Variants in MAD1L1 observed in about 807,000 individuals in gnomAD.
MAD1L1 encodes the protein mitotic spindle assembly checkpoint protein MAD1.
In MAD1L1, 95 loss-of-function variants were observed where a neutral mutation model predicts 96.9. The observed-to-expected ratio is 0.98, with a 90% CI of 0.83 to 1.16. The LOEUF (loss-of-function observed/expected upper bound fraction) is 1.16, where lower values mean the gene tolerates loss of function less well. Ranked by LOEUF, MAD1L1 falls within the 50% of genes most tolerant of loss-of-function variation. The pLI is 0.00. For synonymous variants in MAD1L1, 473 were observed against 396.6 expected (o/e 1.19, Z -2.29); for missense variants, 1,007 against 954.4 (o/e 1.06, Z -0.73).
intron 10 of MAD1L1, among the ~76,000 whole-genome samples, chr7:2,173,396 A>G (rs1364049749): frequency 1.3e-5 from 2 of 152,208 alleles, no homozygotes; most frequent in Non-Finnish European, 2.9e-5. Flanking sequence ...TGGGTGCTCA[A>G]CCACTCACAC....
chr7:2,231,802 C>G (rs1195477889), intron 1 of MAD1L1, among the ~76,000 whole-genome samples: 4 of 151,978 alleles, frequency 2.6e-5, no homozygotes, highest in African/African-American at 9.7e-5. Flanking sequence ...TTCCGAGCAC[C>G]GAGACTTCTT....
intron 17 of MAD1L1, among the ~76,000 whole-genome samples, chr7:1,933,425 G>C (rs890520070): frequency 1.3e-5 from 2 of 152,154 alleles, no homozygotes; most frequent in Non-Finnish European, 2.9e-5. Flanking sequence ...GGGGGTGTGC[G>C]ATCCAGGCCC....
intron 16 of MAD1L1, among the ~76,000 whole-genome samples, chr7:1,956,446 G>T (rs1779731581): frequency 6.6e-6 from 1 of 152,202 alleles, no homozygotes; most frequent in Admixed American, 6.5e-5. Flanking sequence ...TAGGCTCGAG[G>T]TCACCATATC....
intron 18 of MAD1L1, among the ~76,000 whole-genome samples, chr7:1,824,097 G>A (rs1782266776): frequency 5.9e-5 from 9 of 152,166 alleles, no homozygotes. Flanking sequence ...CCTAGGCACT[G>A]CAGGAAAATG....
intron 10 of MAD1L1, among the ~76,000 whole-genome samples, chr7:2,167,117 G>A (rs561070350): frequency 1.3e-5 from 2 of 152,326 alleles, no homozygotes; most frequent in Admixed American, 1.3e-4. Flanking sequence ...CGGTGAAACA[G>A]TAAGACCAGG....
At chr7:2,043,638 G>A (rs1323193290) in intron 12 of MAD1L1, among the ~76,000 whole-genome samples, 1 of 152,234 alleles carries the variant, frequency 6.6e-6, no homozygotes, top group Non-Finnish European at 1.5e-5. Context: ...CACGCGGAGG[G>A]CCTGGGGGGG....
intron 11 of MAD1L1, among the ~76,000 whole-genome samples, chr7:2,128,318 C>A (rs1162316629): frequency 6.6e-6 from 1 of 152,194 alleles, no homozygotes; most frequent in African/African-American, 2.4e-5. Flanking sequence ...CCTGGCAGGG[C>A]CATCCATGCC....
At position 1,866,621 on chromosome 7, in the gene MAD1L1, G is replaced by T. The variant is rs573575861; in HGVS notation, c.1998+31579C>A. Among the ~76,000 whole-genome samples the T allele has an allele frequency of 7.9e-5, 12 of 152,366 alleles. No individual in the cohort carries two copies. The South Asian group carries it at 2.5e-3, about 32-fold the overall frequency. On this transcript the variant is annotated intron_variant, in intron 18 of 18. Transcript: ENST00000265854. Reference sequence around the variant, plus strand: ...AGACGCCACGGGAGGCTGCGGACAGGCAGGCAACGCAGAGGCCATGGCACC... The same window carrying T: ...AGACGCCACGGGAGGCTGCGGACAGTCAGGCAACGCAGAGGCCATGGCACC...
chr7:2,112,308 A>C (rs938072744), intron 11 of MAD1L1, among the ~76,000 whole-genome samples: 2 of 152,156 alleles, frequency 1.3e-5, no homozygotes, highest in African/African-American at 4.8e-5. Flanking sequence ...AGTTTTTTTT[A>C]ATCAACCAGA....
At chr7:1,978,454 G>A (rs567032343) in intron 15 of MAD1L1, among the ~76,000 whole-genome samples, 1 of 152,190 alleles carries the variant, frequency 6.6e-6, no homozygotes, top group Admixed American at 6.5e-5. Flanking sequence ...TGGTGGGGAC[G>A]GCCCCTCTGC....
At chr7:1,841,913 C>T (rs1431959987) in intron 18 of MAD1L1, among the ~76,000 whole-genome samples, 1 of 152,156 alleles carries the variant, frequency 6.6e-6, no homozygotes. Context: ...GGCTGAGAAC[C>T]CGGTAGCCAG....
intron 10 of MAD1L1, among the ~76,000 whole-genome samples, chr7:2,152,352 G>A (rs565692627): frequency 1.3e-3 from 191 of 152,302 alleles, no homozygotes; most frequent in African/African-American, 4.3e-3. Flanking sequence ...CACCTCCCAC[G>A]GGCAGAAGCC....
At chr7:2,083,500 G>A (rs1396416444) in intron 11 of MAD1L1, among the ~76,000 whole-genome samples, 1 of 152,258 alleles carries the variant, frequency 6.6e-6, no homozygotes, top group African/African-American at 2.4e-5. Flanking sequence ...CCAGTCTCGA[G>A]GCACGGCGCT....
intron 4 of MAD1L1, 121 bp downstream of exon 4, chr7:2,225,289 A>G (rs1639921): frequency 0.15 from 43,890 of 299,938 alleles, 12,131 homozygotes; most frequent in African/African-American, 0.64. Context: ...GGCAGGTACC[A>G]TGCACAGCCC....
chr7:2,166,621 A>C (rs1336276851), intron 10 of MAD1L1, among the ~76,000 whole-genome samples: 2 of 114,862 alleles, frequency 1.7e-5, no homozygotes, highest in Non-Finnish European at 4.5e-5. Flanking sequence ...AACTTCGGCA[A>C]GAAGCTCAGA....
chr7:2,069,256 T>C lies in MAD1L1; in HGVS notation c.1156A>G (p.Lys386Glu). The stretch of plus-strand genomic sequence containing the variant: ...GCCAGCGCCTCGTGGGTCTCGCGCT[T>C]CTTCCTCTCCTCCAACAGCTGGCCG... ...VSGQLLEERKKRETHEALARR... is the reference protein window; with the variant it reads ...VSGQLLEERKERETHEALARR... The change falls in exon 12 of 19, where the codon AAG (lysine) becomes GAG (glutamate). Residue 386 changes from lysine (K) to glutamate (E), a missense_variant. Lys to Glu is a moderately conservative substitution (Grantham distance 56). Coordinates refer to ENST00000265854, the MANE Select transcript of MAD1L1 (RefSeq NM_001013836.2). 1 of 1,612,148 alleles carries C rather than the reference T, an allele frequency of 6.2e-7. No individual in the cohort carries two copies. The highest frequency in any genetic ancestry group is 8.5e-7 in the Non-Finnish European group (1 of 1,179,622).
chr7:2,054,722 G>T (rs908279271), intron 12 of MAD1L1, among the ~76,000 whole-genome samples: 2 of 152,210 alleles, frequency 1.3e-5, no homozygotes, highest in African/African-American at 4.8e-5. Context: ...ACACGACCCT[G>T]GAAGCCGGGC....
Position 1,980,680 on chromosome 7 carries a change from G to C in MAD1L1, c.1417-139C>G, listed in dbSNP as rs575362557. ...GAGCTGCGGGAGAGACCTCTCTCCT[G>C]GAAGCCTGAAGCTGCCAGGCCAGAC... On this transcript the variant is annotated intron_variant, in intron 14 of 18. Coordinates refer to ENST00000265854, the MANE Select transcript of MAD1L1 (RefSeq NM_001013836.2). The C allele has an allele frequency of 1.7e-4, 123 of 735,464 alleles. No individual in the cohort carries two copies. The African/African-American group carries it at 1.9e-3, about 11-fold the overall frequency. The allele number at this position is 735,464 out of a possible 1,614,324, so 45.6% of individuals were successfully genotyped here. A position where few individuals can be genotyped will look rare whatever the true frequency, so the allele number is the denominator to read the frequency against.
intron 18 of MAD1L1, among the ~76,000 whole-genome samples, chr7:1,851,303 G>T (rs1468342945): frequency 2.6e-5 from 4 of 152,360 alleles, no homozygotes; most frequent in Admixed American, 2.0e-4. Flanking sequence ...ACAGGGTTGG[G>T]GGCTGATGGC....
Sources: allele counts gnomAD v4.1 joint callset (sites outside exome capture counted in the v4.1 genomes callset), GRCh38; gene constraint gnomAD v4.1.1; transcripts MANE v1.5; gene names NCBI Gene and HGNC (gene_info 2026-07-23, HGNC 2026-07-21).